Variants in PRDM16 observed in about 807,000 individuals in gnomAD.
PRDM16 encodes PR/SET domain 16.
A neutral mutation model predicts 110.6 loss-of-function variants in PRDM16; 23 were observed. The ratio of observed to expected loss-of-function variants is 0.21; its 90% confidence interval spans 0.15 to 0.29. The LOEUF (loss-of-function observed/expected upper bound fraction) is 0.29. Among genes scored for constraint, PRDM16 ranks in the 10% least tolerant of loss-of-function variants. The probability of loss-of-function intolerance (pLI) is 1.00; values close to 1 mark genes in which losing one functional copy is unlikely to be tolerated. For synonymous variants in PRDM16, 799 were observed against 781.8 expected, an observed-to-expected ratio of 1.02 and a Z score of -0.37; for missense variants, 1,615 against 1,794.3, an observed-to-expected ratio of 0.90 and a Z score of 1.81.
intron 1 of PRDM16, among the ~76,000 whole-genome samples, chr1:3,156,223 A>C (rs747618457): frequency 5.9e-5 from 9 of 152,142 alleles, no homozygotes; most frequent in Admixed American, 5.9e-4. Flanking sequence ...TGAGCAACAG[A>C]TGGGGCTGTC....
chr1:3,425,395 G>C lies in PRDM16; in HGVS notation c.2940-186G>C. 1.7e-6 allele frequency: 1 copy of C among 592,378 alleles called. No individual in the cohort carries two copies. The highest frequency in any genetic ancestry group is 2.9e-5 in the East Asian group (1 of 34,294). The allele number at this position is 592,378 out of a possible 1,614,324, so 36.7% of individuals were successfully genotyped here. A position where few individuals can be genotyped will look rare whatever the true frequency, so the allele number is the denominator to read the frequency against. The stretch of plus-strand genomic sequence containing the variant: ...TTCTTGAAGCCGGGGCTGTTTCTAG[G>C]GACAGCTTCCCCAGGATGCCTTTGG... On this transcript the variant is annotated intron_variant, in intron 12 of 16. Transcript: ENST00000270722. The surrounding 1 kb of genome is among the most constrained non-coding windows in gnomAD (Gnocchi z 6.9).
intron 1 of PRDM16, among the ~76,000 whole-genome samples, chr1:3,149,925 C>T (rs1643745339): frequency 6.6e-6 from 1 of 152,164 alleles, no homozygotes; most frequent in African/African-American, 2.4e-5. Flanking sequence ...CCTGTTGGGC[C>T]TGGACAAGGT....
At chr1:3,332,941 T>C (rs1482365954) in intron 3 of PRDM16, among the ~76,000 whole-genome samples, 1 of 152,248 alleles carries the variant, frequency 6.6e-6, no homozygotes, top group African/African-American at 2.4e-5. Context: ...CGTGGGCCAG[T>C]GCCTCACTCC....
At chr1:3,083,052 ATTGTCC>A (rs1216430916) in intron 1 of PRDM16, among the ~76,000 whole-genome samples, 2 of 151,974 alleles carry the variant, frequency 1.3e-5, no homozygotes, top group East Asian at 3.9e-4. Context: ...TATTGCTATT[ATTGTCC>A]TTAGGATCCA....
intron 1 of PRDM16, among the ~76,000 whole-genome samples, chr1:3,109,422 A>T (rs2993501): frequency 8.6e-5 from 13 of 151,982 alleles, no homozygotes; most frequent in South Asian, 2.1e-4. Context: ...ATGCAGGCTG[A>T]GGCTCTCTCT....
intron 1 of PRDM16, among the ~76,000 whole-genome samples, chr1:3,173,222 A>T (rs1422570487): frequency 6.6e-6 from 1 of 152,242 alleles, no homozygotes; most frequent in Admixed American, 6.5e-5. Context: ...GTGGTATATT[A>T]ACCAAGGAAT....
rs769438373 is a variant in PRDM16, at chr1:3,412,365, C to T, written c.2168C>T (p.Ser723Leu). 2 of 1,613,570 alleles carry T rather than the reference C, an allele frequency of 1.2e-6. No individual in the cohort carries two copies. Among genetic ancestry groups the T allele is most frequent in the Admixed American group, 1.7e-5 (1 of 60,022 alleles). Residue 723 changes from serine to leucine, a missense_variant, in exon 9 of 17, where the codon TCG becomes TTG. Physicochemically the swap from Ser to Leu is moderately radical, Grantham distance 145 (BLOSUM62 -2). Around this residue, in one of 5 missense-constraint regions of PRDM16, gnomAD observed 772 missense variants for 748.3 expected, o/e 1.03. Coordinates refer to ENST00000270722, the MANE Select transcript of PRDM16 (RefSeq NM_022114.4). ...AAGCTGGGCTCGCTCCCCTACCACT[C>T]GGCGTTCCCCTTCCAGTTCCTGCCC... The part of the protein sequence containing the change: ...EKKLGSLPYH[S>L]AFPFQFLPNF...
chr1:3,180,627 G>A (rs1409725409), intron 1 of PRDM16, among the ~76,000 whole-genome samples: 4 of 152,110 alleles, frequency 2.6e-5, no homozygotes, highest in East Asian at 1.9e-4. Context: ...AGGGCAGCCC[G>A]GGGCAGCCGA....
At chr1:3,366,249 C>T (rs1289172906) in intron 3 of PRDM16, among the ~76,000 whole-genome samples, 1 of 152,224 alleles carries the variant, frequency 6.6e-6, no homozygotes, top group Non-Finnish European at 1.5e-5. Flanking sequence ...ATGCGCTTGG[C>T]GGCCGCTCGC....
rs570758643 is a variant in PRDM16 at position 3,396,409 on chromosome 1, G to A, written c.574-82G>A. 5.3e-5 allele frequency: 42 copies of A among 795,212 alleles called. No homozygotes were observed. The African/African-American group carries it at 6.5e-4, about 12-fold the overall frequency. The allele number at this position is 795,212 out of a possible 1,614,324, so 49.3% of individuals were successfully genotyped here. On this transcript the variant is annotated intron_variant, in intron 4 of 16. Transcript: ENST00000270722. ...GTGCAGGCCGAGCTGCGTCCACAGT[G>A]TGAGGGCTGAGTGTGCACTGAGAGG...
intron 12 of PRDM16, among the ~76,000 whole-genome samples, chr1:3,423,017 C>T (rs1638482417): frequency 6.6e-6 from 1 of 152,362 alleles, no homozygotes; most frequent in Non-Finnish European, 1.5e-5. Flanking sequence ...ACCAATGCTT[C>T]TTTTCCTGTC....
chr1:3,172,905 G>T (rs1569756063), intron 1 of PRDM16, among the ~76,000 whole-genome samples: 1 of 152,346 alleles, frequency 6.6e-6, no homozygotes, highest in East Asian at 1.9e-4. Context: ...TAATGCCACT[G>T]AGCTGTGCGC....
intron 1 of PRDM16, among the ~76,000 whole-genome samples, chr1:3,154,327 C>T (rs920277402): frequency 2.1e-4 from 32 of 152,310 alleles, no homozygotes; most frequent in African/African-American, 7.7e-4. Context: ...GCACTCCCAT[C>T]CCCTCTGGGT....
intron 1 of PRDM16, among the ~76,000 whole-genome samples, chr1:3,150,060 C>T (rs985544125): frequency 3.9e-5 from 6 of 152,178 alleles, no homozygotes; most frequent in South Asian, 2.1e-4. Flanking sequence ...GGAGAGGACA[C>T]GGGTCACCCT....
chr1:3,364,395 G>A (rs575938771), intron 3 of PRDM16, among the ~76,000 whole-genome samples: 12 of 152,150 alleles, frequency 7.9e-5, no homozygotes, highest in Non-Finnish European at 1.5e-4. Context: ...ACCCAAAAGT[G>A]CCCGACAAGG....
intron 6 of PRDM16, among the ~76,000 whole-genome samples, chr1:3,404,041 G>A (rs1041743278): frequency 6.6e-6 from 1 of 152,228 alleles, no homozygotes; most frequent in Non-Finnish European, 1.5e-5. Flanking sequence ...CGGGGGAAAA[G>A]ATACAGTCTC....
At chr1:3,291,098 C>T (rs971934704) in intron 3 of PRDM16, among the ~76,000 whole-genome samples, 1 of 151,940 alleles carries the variant, frequency 6.6e-6, no homozygotes, top group Non-Finnish European at 1.5e-5. Flanking sequence ...CTTGGAGACA[C>T]GAGTAGCAGT....
intron 1 of PRDM16, among the ~76,000 whole-genome samples, chr1:3,093,946 G>T (rs1330265141): frequency 1.3e-5 from 2 of 152,254 alleles, no homozygotes; most frequent in East Asian, 1.9e-4. Flanking sequence ...TGAGCCCCGA[G>T]AATTTTTTAG....
intron 2 of PRDM16, among the ~76,000 whole-genome samples, chr1:3,241,696 G>T (rs149778782): frequency 1.3e-5 from 2 of 152,254 alleles, no homozygotes; most frequent in Non-Finnish European, 2.9e-5. Context: ...ATGGCGTGAC[G>T]GATGGGTTTA....
Sources: gnomAD v4.1 joint callset for allele counts (sites outside exome capture counted in the v4.1 genomes callset) on GRCh38, gnomAD v4.1.1 for gene constraint, gnomAD v4.1.1 regional missense constraint, Gnocchi (gnomAD v3.1) non-coding constraint, MANE v1.5 for transcripts, NCBI Gene and HGNC (gene_info 2026-07-23, HGNC 2026-07-21) for gene names.